Variants in PCGF5 observed in about 807,000 individuals in gnomAD.
PCGF5 encodes polycomb group ring finger 5.
Under a neutral mutation model 44.3 loss-of-function variants are expected in PCGF5, and 9 were observed. The observed-to-expected ratio is 0.20, with a 90% confidence interval of 0.12 to 0.35. PCGF5 has a LOEUF of 0.35. Among genes scored for constraint, PCGF5 ranks in the 10% least tolerant of loss-of-function variants. PCGF5 has a pLI of 1.00. For missense variants in PCGF5, 146 were observed against 305.3 expected, an observed-to-expected ratio of 0.48 and a Z score of 3.89; for synonymous variants, 95 against 102.5, an observed-to-expected ratio of 0.93 and a Z score of 0.44.
intron 1 of PCGF5, among the ~76,000 whole-genome samples, chr10:91,214,131 G>T (rs1488716396): frequency 6.6e-6 from 1 of 151,914 alleles, no homozygotes; most frequent in East Asian, 1.9e-4. Context: ...GTGAAATCTT[G>T]TCACTACAAA....
At chr10:91,169,113 A>G (rs1485287658) in intron 1 of PCGF5, among the ~76,000 whole-genome samples, 1 of 152,132 alleles carries the variant, frequency 6.6e-6, no homozygotes, top group African/African-American at 2.4e-5. Context: ...GCAATTGCCC[A>G]GGGCAGTGCT....
chr10:91,257,414 G>A (rs557067962), intron 6 of PCGF5, among the ~76,000 whole-genome samples: 11 of 152,212 alleles, frequency 7.2e-5, no homozygotes, highest in Admixed American at 5.2e-4. Context: ...AAGAGTTGAC[G>A]TGGTAATTCC....
chr10:91,179,049 C>T (rs1426738808), intron 1 of PCGF5, among the ~76,000 whole-genome samples: 1 of 152,184 alleles, frequency 6.6e-6, no homozygotes, highest in East Asian at 1.9e-4. Context: ...TTTTTAAAAG[C>T]TTGCTAGCTG....
intron 2 of PCGF5, among the ~76,000 whole-genome samples, chr10:91,233,634 G>A (rs1299747961): frequency 6.6e-6 from 1 of 152,066 alleles, no homozygotes; most frequent in Non-Finnish European, 1.5e-5. Context: ...CAGCTATTCT[G>A]GATTTTTTAA....
chr10:91,254,947 C>G (rs1479538551), intron 6 of PCGF5, among the ~76,000 whole-genome samples: 1 of 152,066 alleles, frequency 6.6e-6, no homozygotes, highest in Non-Finnish European at 1.5e-5. Context: ...TAGTTCCAGC[C>G]CCTGCTCAAA....
Position 91,226,868 on chromosome 10 carries a change from C to T in PCGF5, c.112+3885C>T, listed in dbSNP as rs141373502. Among the ~76,000 whole-genome samples, 196 of 152,178 alleles carry T rather than the reference C, an allele frequency of 1.3e-3. 1 individual carries two copies. Among genetic ancestry groups the T allele is most frequent in the African/African-American group, 4.6e-3 (191 of 41,524 alleles). On this transcript the variant is annotated intron_variant, in intron 2 of 9. Coordinates refer to ENST00000336126, the MANE Select transcript of PCGF5 (RefSeq NM_032373.5). ...AAACCACATATTTAGACTCTTCTTA[C>T]CTACTAATACCTCTTCCCTTCAGTA...
intron 7 of PCGF5, among the ~76,000 whole-genome samples, chr10:91,262,753 T>C (rs1222819009): frequency 6.6e-6 from 1 of 152,174 alleles, no homozygotes. Context: ...TTATGGAAGT[T>C]AACTATAAAG....
At position 91,281,850 on chromosome 10, in the gene PCGF5, A is replaced by T. The variant is rs1419631995; in HGVS notation, c.*3534A>T. On this transcript the variant is annotated 3_prime_UTR_variant, in exon 10 of 10. Coordinates refer to ENST00000336126, the MANE Select transcript of PCGF5 (RefSeq NM_032373.5). The stretch of plus-strand genomic sequence containing the variant: ...ATTGTTTTTCAGCATCATCTAACAG[A>T]TCTTAGTAAATCTAAATCCTCAAAG... 6.6e-6 allele frequency: 1 copy of T among 152,234 alleles called. No homozygotes were observed. Among genetic ancestry groups the T allele is most frequent in the Non-Finnish European group, 1.5e-5 (1 of 68,030 alleles). 9.4% of individuals were successfully genotyped at this position (152,234 alleles called of 1,614,324 possible).
chr10:91,254,076 C>A (rs12268373), intron 6 of PCGF5, among the ~76,000 whole-genome samples: 19,834 of 151,900 alleles, frequency 0.13, 2,428 homozygotes, highest in African/African-American at 0.32. Context: ...AAGGCCCTTC[C>A]CTAACAAGCA....
intron 2 of PCGF5, among the ~76,000 whole-genome samples, chr10:91,231,608 G>A (rs1845004812): frequency 6.6e-6 from 1 of 152,208 alleles, no homozygotes; most frequent in African/African-American, 2.4e-5. Context: ...TAGAGGTGAT[G>A]GGGTTGGGCA....
intron 1 of PCGF5, among the ~76,000 whole-genome samples, chr10:91,197,224 G>T (rs1452973664): frequency 6.6e-6 from 1 of 152,196 alleles, no homozygotes; most frequent in Non-Finnish European, 1.5e-5. Flanking sequence ...CTTGGCATCA[G>T]CAGGGGAGGC....
upstream of PCGF5, among the ~76,000 whole-genome samples, chr10:91,218,218 A>C (rs1364135867): frequency 6.6e-6 from 1 of 152,210 alleles, no homozygotes; most frequent in Non-Finnish European, 1.5e-5. Context: ...TGTAATTATG[A>C]ATTCACCACG....
At chr10:91,259,445 T>C (rs958454984) in intron 6 of PCGF5, among the ~76,000 whole-genome samples, 4 of 152,216 alleles carry the variant, frequency 2.6e-5, no homozygotes, top group South Asian at 2.1e-4. Flanking sequence ...AGTTATACTT[T>C]ATAATCTTCA....
upstream of PCGF5, among the ~76,000 whole-genome samples, chr10:91,217,467 G>A (rs1844564392): frequency 6.6e-6 from 1 of 152,098 alleles, no homozygotes; most frequent in Non-Finnish European, 1.5e-5. Flanking sequence ...TTTTAGTATA[G>A]AACTACCTAC....
At chr10:91,226,292 A>AAG (rs1400227280) in intron 2 of PCGF5, among the ~76,000 whole-genome samples, 2 of 148,098 alleles carry the variant, frequency 1.4e-5, no homozygotes, top group African/African-American at 5.0e-5. Flanking sequence ...AGAAATGTAA[A>AAG]AAAAAAAAAA....
chr10:91,234,004 A>G, intron 2 of PCGF5, among the ~76,000 whole-genome samples: 1 of 152,226 alleles, frequency 6.6e-6, no homozygotes. Context: ...CAGAATTAGC[A>G]CTCAAGAGCA....
intron 1 of PCGF5, among the ~76,000 whole-genome samples, chr10:91,203,761 T>C (rs1844295250): frequency 6.6e-6 from 1 of 152,210 alleles, no homozygotes; most frequent in Non-Finnish European, 1.5e-5. Flanking sequence ...CATTGTAAAT[T>C]TGAAATTGAA....
At chr10:91,246,970 GATAGATAGATAGATA>G (rs1564648053) in intron 3 of PCGF5, among the ~76,000 whole-genome samples, 4 of 1,486 alleles carry the variant, frequency 2.7e-3, no homozygotes, top group African/African-American at 4.3e-3. Context: ...TAGATGGATA[GATAGATAGATAGATA>G]GATAGATAGA....
chr10:91,216,074 C>G (rs1469320738), upstream of PCGF5, among the ~76,000 whole-genome samples: 1 of 152,190 alleles, frequency 6.6e-6, no homozygotes, highest in Non-Finnish European at 1.5e-5. Flanking sequence ...ATCCACTCTG[C>G]TGGGGATATG....
Sources: allele counts gnomAD v4.1 joint callset (sites outside exome capture counted in the v4.1 genomes callset), GRCh38; gene constraint gnomAD v4.1.1; transcripts MANE v1.5; gene names NCBI Gene and HGNC (gene_info 2026-07-23, HGNC 2026-07-21).